CDH12: variants seen among roughly 807,000 people sequenced by gnomAD.
CDH12 encodes the protein cadherin-12.
A neutral mutation model predicts 74.1 loss-of-function variants in CDH12; 41 were observed. That is an observed-to-expected ratio of 0.55 (90% CI 0.43 to 0.72). The LOEUF (loss-of-function observed/expected upper bound fraction) is 0.72. Ranked by LOEUF, CDH12 falls within the 30% of genes least tolerant of loss-of-function variation. The pLI, the probability that CDH12 is intolerant of heterozygous loss-of-function variation, is 0.00. For missense variants in CDH12, 945 were observed against 977.2 expected (o/e 0.97, Z 0.44); for synonymous variants, 399 against 355.0 (o/e 1.12, Z -1.39).
intron 4 of CDH12, among the ~76,000 whole-genome samples, chr5:22,191,140 G>A (rs1186504190): frequency 6.6e-6 from 1 of 151,948 alleles, no homozygotes; most frequent in Non-Finnish European, 1.5e-5. Context: ...CATCCCAAGT[G>A]TTACTACATG....
At chr5:22,272,309 G>C (rs1736435348) in intron 3 of CDH12, among the ~76,000 whole-genome samples, 1 of 152,160 alleles carries the variant, frequency 6.6e-6, no homozygotes, top group Non-Finnish European at 1.5e-5. Flanking sequence ...CAGAACTGAA[G>C]AGCATTAGGG....
intron 4 of CDH12, among the ~76,000 whole-genome samples, chr5:22,147,449 C>T (rs1477998932): frequency 6.6e-6 from 1 of 151,958 alleles, no homozygotes; most frequent in African/African-American, 2.4e-5. Context: ...ACTGGATTTG[C>T]CCTATCAAGA....
intron 1 of CDH12, among the ~76,000 whole-genome samples, chr5:22,622,783 T>G (rs1326351760): frequency 6.6e-6 from 1 of 152,112 alleles, no homozygotes; most frequent in Non-Finnish European, 1.5e-5. Context: ...ACTATTCCGA[T>G]CAATAGAAAA....
chr5:22,145,636 G>A (rs1040658637), intron 4 of CDH12, among the ~76,000 whole-genome samples: 2 of 152,074 alleles, frequency 1.3e-5, no homozygotes, highest in African/African-American at 4.8e-5. Flanking sequence ...AAGGAAGAAA[G>A]CAAGGCTAAC....
At chr5:22,134,892 C>A (rs1461106283) in intron 4 of CDH12, among the ~76,000 whole-genome samples, 2 of 151,550 alleles carry the variant, frequency 1.3e-5, no homozygotes, top group African/African-American at 2.4e-5. Flanking sequence ...AACCTCCACA[C>A]ACTCCCCCCA....
At chr5:22,261,776 GAGAA>G (rs199610708) in intron 3 of CDH12, among the ~76,000 whole-genome samples, 1,007 of 93,386 alleles carry the variant, frequency 0.011, 11 homozygotes, top group African/African-American at 0.038. Flanking sequence ...AGCTCTAGGA[GAGAA>G]AGAAAGCCAA....
rs1411369601 is a variant in CDH12, at chr5:21,842,148, A to G, written c.814+13T>C. ...ACCGCAATAATTTAGGCTTAACAGG[A>G]AAGGTGACATACTTTTGGGGAATCG... On this transcript the variant is annotated intron_variant, in intron 8 of 14. Transcript: ENST00000382254. 3.1e-5 allele frequency: 49 copies of G among 1,596,654 alleles called. No homozygotes were observed. The highest frequency in any genetic ancestry group is 4.2e-5 in the Non-Finnish European group (49 of 1,171,752).
chr5:22,696,538 T>C (rs1425611421), intron 1 of CDH12, among the ~76,000 whole-genome samples: 1 of 152,208 alleles, frequency 6.6e-6, no homozygotes, highest in Non-Finnish European at 1.5e-5. Context: ...ATGTTTTTAA[T>C]ACACTTTTAA....
At chr5:22,289,570 T>A (rs1737292642) in intron 3 of CDH12, among the ~76,000 whole-genome samples, 1 of 152,154 alleles carries the variant, frequency 6.6e-6, no homozygotes, top group Admixed American at 6.5e-5. Context: ...TTTGAACAAC[T>A]ATCTACAAAA....
intron 1 of CDH12, among the ~76,000 whole-genome samples, chr5:22,764,072 G>A (rs1265585049): frequency 2.2e-5 from 3 of 135,766 alleles, no homozygotes; most frequent in Non-Finnish European, 3.3e-5. Context: ...GTAAATACAC[G>A]TGCTTTTTAC....
chr5:22,336,941 G>A (rs575893966), intron 3 of CDH12, among the ~76,000 whole-genome samples: 1 of 152,300 alleles, frequency 6.6e-6, no homozygotes, highest in Non-Finnish European at 1.5e-5. Flanking sequence ...CTCAATGCCA[G>A]CTGTGAAAGC....
chr5:22,142,761 T>A (rs1489562551), intron 4 of CDH12: 3 of 271,354 alleles, frequency 1.1e-5, no homozygotes, highest in Non-Finnish European at 2.2e-5. Flanking sequence ...TTACTCAGAA[T>A]TAGTTATACT....
intron 5 of CDH12, among the ~76,000 whole-genome samples, chr5:22,006,283 T>C (rs1009274236): frequency 1.3e-5 from 2 of 152,126 alleles, no homozygotes; most frequent in African/African-American, 4.8e-5. Context: ...CCTCTCAAAG[T>C]GCTGGGATTA....
intron 5 of CDH12, among the ~76,000 whole-genome samples, chr5:21,997,138 A>G (rs1194779158): frequency 6.6e-6 from 1 of 152,100 alleles, no homozygotes; most frequent in Non-Finnish European, 1.5e-5. Context: ...ACCTTGGGAT[A>G]TTAAAGTATT....
chr5:22,243,233 T>C (rs1752811416), intron 3 of CDH12, among the ~76,000 whole-genome samples: 1 of 152,122 alleles, frequency 6.6e-6, no homozygotes. Flanking sequence ...TTAGAGCTAT[T>C]TACATAATGA....
At chr5:21,838,741 T>C (rs1749677417) in intron 8 of CDH12, among the ~76,000 whole-genome samples, 1 of 152,152 alleles carries the variant, frequency 6.6e-6, no homozygotes, top group African/African-American at 2.4e-5. Flanking sequence ...ACCATCTTGT[T>C]TCAGTGGGAG....
At chr5:22,575,510 A>T (rs1739740909) in intron 1 of CDH12, among the ~76,000 whole-genome samples, 1 of 151,850 alleles carries the variant, frequency 6.6e-6, no homozygotes, top group African/African-American at 2.4e-5. Flanking sequence ...CTTCCACATC[A>T]GCCTCCCAAG....
At chr5:22,847,070 G>A (rs1320615166) in intron 1 of CDH12, among the ~76,000 whole-genome samples, 1 of 152,012 alleles carries the variant, frequency 6.6e-6, no homozygotes, top group Non-Finnish European at 1.5e-5. Flanking sequence ...GTTATACTGG[G>A]CTTCCTTCTT....
chr5:22,718,145 G>A (rs559442134), intron 1 of CDH12, among the ~76,000 whole-genome samples: 25 of 152,262 alleles, frequency 1.6e-4, no homozygotes, highest in Non-Finnish European at 2.8e-4. Context: ...ATCATTTCCT[G>A]AAAAGAACAT....
Sources: allele counts gnomAD v4.1 joint callset (sites outside exome capture counted in the v4.1 genomes callset), GRCh38; gene constraint gnomAD v4.1.1; transcripts MANE v1.5; gene names NCBI Gene and HGNC (gene_info 2026-07-23, HGNC 2026-07-21).